Variants in SYT16 observed in about 807,000 individuals in gnomAD.
The protein encoded by SYT16 is synaptotagmin-16.
SYT16 carries 42 observed loss-of-function variants against 61.4 expected under a neutral mutation model. That is an observed-to-expected ratio of 0.68 (90% CI 0.53 to 0.89). The LOEUF (loss-of-function observed/expected upper bound fraction) is 0.89. Ranked by LOEUF, SYT16 falls within the 40% of genes least tolerant of loss-of-function variation. The pLI, the probability that SYT16 is intolerant of heterozygous loss-of-function variation, is 0.00. For missense variants in SYT16, 804 were observed against 807.3 expected (o/e 1.00, Z 0.05); for synonymous variants, 314 against 302.3 (o/e 1.04, Z -0.40).
intron 3 of SYT16, among the ~76,000 whole-genome samples, chr14:62,026,967 A>C (rs956052858): frequency 2.0e-5 from 3 of 152,120 alleles, no homozygotes; most frequent in Admixed American, 2.0e-4. Flanking sequence ...TGTTTTTTTA[A>C]TGCATGTCTT....
intron 7 of SYT16, among the ~76,000 whole-genome samples, chr14:62,085,858 G>A (rs1362933801): frequency 2.6e-5 from 4 of 152,168 alleles, no homozygotes; most frequent in South Asian, 2.1e-4. Context: ...ATACCAATTT[G>A]TTTTCCAGAA....
At chr14:62,051,793 A>G (rs2055312706) in intron 3 of SYT16, among the ~76,000 whole-genome samples, 2 of 152,156 alleles carry the variant, frequency 1.3e-5, no homozygotes, top group Admixed American at 6.5e-5. Context: ...GCACTTTGGG[A>G]GGCCAAGGCA....
intron 3 of SYT16, among the ~76,000 whole-genome samples, chr14:62,021,081 A>G (rs1446423198): frequency 6.6e-6 from 1 of 152,090 alleles, no homozygotes; most frequent in African/African-American, 2.4e-5. Context: ...TATTATAATA[A>G]TTATTAAGGC....
chr14:62,041,725 T>G (rs2054738309), intron 3 of SYT16, among the ~76,000 whole-genome samples: 1 of 152,194 alleles, frequency 6.6e-6, no homozygotes, highest in South Asian at 2.1e-4. Flanking sequence ...CATTATTTTT[T>G]AGATTTTTTT....
chr14:61,974,193 C>A (rs377239230), intron 2 of SYT16, among the ~76,000 whole-genome samples: 6 of 151,994 alleles, frequency 3.9e-5, no homozygotes, highest in Non-Finnish European at 8.8e-5. Context: ...GTGGTGGGAG[C>A]GGGGGCAGAG....
intron 1 of SYT16, among the ~76,000 whole-genome samples, chr14:61,887,740 C>G (rs1362955037): frequency 6.6e-6 from 1 of 152,152 alleles, no homozygotes; most frequent in African/African-American, 2.4e-5. Flanking sequence ...ACCTCTCAGC[C>G]TTCATAGAAT....
chr14:61,879,058 G>A (rs942385653), intron 1 of SYT16, among the ~76,000 whole-genome samples: 7 of 151,948 alleles, frequency 4.6e-5, no homozygotes, highest in Non-Finnish European at 8.8e-5. Context: ...TACAGAATTG[G>A]ATATCTCTCC....
intron 3 of SYT16, among the ~76,000 whole-genome samples, chr14:62,056,472 G>T (rs1416399508): frequency 6.6e-6 from 1 of 152,200 alleles, no homozygotes; most frequent in Non-Finnish European, 1.5e-5. Flanking sequence ...TACAGGAAAG[G>T]GGATAAAGTC....
intron 1 of SYT16, among the ~76,000 whole-genome samples, chr14:61,880,524 G>A (rs2047662850): frequency 6.6e-6 from 1 of 152,092 alleles, no homozygotes; most frequent in Non-Finnish European, 1.5e-5. Flanking sequence ...GGTTTTGATT[G>A]GAGTTTCATT....
At chr14:62,046,581 T>C (rs2140871486) in intron 3 of SYT16, among the ~76,000 whole-genome samples, 1 of 152,314 alleles carries the variant, frequency 6.6e-6, no homozygotes, top group South Asian at 2.1e-4. Context: ...GTTTTTATGG[T>C]TTTAGGTCTA....
At chr14:62,062,822 A>G (rs1485818176) in intron 3 of SYT16, among the ~76,000 whole-genome samples, 2 of 152,172 alleles carry the variant, frequency 1.3e-5, no homozygotes, top group Non-Finnish European at 2.9e-5. Flanking sequence ...ACCACTGAGC[A>G]CAACCCACCC....
At chr14:61,837,727 G>A (rs1020629683) in intron 1 of SYT16, among the ~76,000 whole-genome samples, 5 of 152,190 alleles carry the variant, frequency 3.3e-5, no homozygotes, top group Non-Finnish European at 7.4e-5. Flanking sequence ...CTTTCTCTGT[G>A]CATTCCAGAA....
intron 1 of SYT16, among the ~76,000 whole-genome samples, chr14:61,939,868 GATAAAATGGGT>G (rs1228870986): frequency 6.6e-6 from 1 of 152,130 alleles, no homozygotes; most frequent in African/African-American, 2.4e-5. Context: ...TATCTATGGT[GATAAAATGGGT>G]CACCTCCACA....
intron 1 of SYT16, among the ~76,000 whole-genome samples, chr14:61,895,661 A>G (rs1030444909): frequency 1.3e-5 from 2 of 152,142 alleles, no homozygotes; most frequent in African/African-American, 4.8e-5. Flanking sequence ...TATTACTACT[A>G]CCACACCACT....
At chr14:61,864,251 A>G (rs570108386) in intron 1 of SYT16, among the ~76,000 whole-genome samples, 2 of 152,352 alleles carry the variant, frequency 1.3e-5, no homozygotes, top group South Asian at 4.1e-4. Flanking sequence ...ACGTTGTCCA[A>G]CGTGAGGAGG....
chr14:62,084,425 A>G (rs772039033), intron 7 of SYT16, 40 bp downstream of exon 7: 4 of 1,578,636 alleles, frequency 2.5e-6, no homozygotes, highest in South Asian at 2.3e-5. Flanking sequence ...GTTCTTCCAG[A>G]GGCAAGTGGA....
intron 1 of SYT16, among the ~76,000 whole-genome samples, chr14:61,938,951 A>G (rs1188151982): frequency 1.3e-5 from 2 of 152,178 alleles, no homozygotes; most frequent in Non-Finnish European, 2.9e-5. Flanking sequence ...CCTGGCCAGC[A>G]TGGTGAAACC....
intron 1 of SYT16, among the ~76,000 whole-genome samples, chr14:61,924,873 T>C (rs1321925840): frequency 2.0e-5 from 3 of 152,242 alleles, no homozygotes; most frequent in African/African-American, 7.2e-5. Flanking sequence ...CTCTATCATG[T>C]AAGCAAAGTT....
chr14:61,996,665 ACTGGCTTCTGATTGAGAGATATAAT>A, intron 3 of SYT16, 123 bp downstream of exon 3: 1 of 1,195,514 alleles, frequency 8.4e-7, no homozygotes. Context: ...CTTCCCACAT[ACTGGCTTCTGATTGAGAGATATAAT>A]CCTTAGGAAT....
Sources: allele counts gnomAD v4.1 joint callset (sites outside exome capture counted in the v4.1 genomes callset), GRCh38; gene constraint gnomAD v4.1.1; transcripts MANE v1.5; gene names NCBI Gene and HGNC (gene_info 2026-07-23, HGNC 2026-07-21).